Variants in SSU72 observed in about 807,000 individuals in gnomAD.
The protein encoded by SSU72 is RNA polymerase II subunit A C-terminal domain phosphatase SSU72.
SSU72 carries 12 observed loss-of-function variants against 22.7 expected under a neutral mutation model. The observed-to-expected ratio is 0.53, with a 90% CI of 0.34 to 0.86. SSU72 has a LOEUF of 0.86. Among genes scored for constraint, SSU72 ranks in the 40% least tolerant of loss-of-function variants. The pLI is 0.02. For missense variants in SSU72, 151 were observed against 249.8 expected (o/e 0.60, Z 2.67); for synonymous variants, 116 against 98.3 (o/e 1.18, Z -1.06).
intron 1 of SSU72, among the ~76,000 whole-genome samples, chr1:1,567,085 G>C (rs550803311): frequency 6.6e-6 from 1 of 152,148 alleles, no homozygotes; most frequent in Non-Finnish European, 1.5e-5. Context: ...GCCCACTGCC[G>C]GCCTTCCACA....
chr1:1,572,014 C>A (rs2100724964), intron 1 of SSU72, among the ~76,000 whole-genome samples: 1 of 150,614 alleles, frequency 6.6e-6, no homozygotes, highest in South Asian at 2.1e-4. Flanking sequence ...CCAAGATGGT[C>A]TCGATCTCCT....
At chr1:1,573,429 CAAAAAAAAAAAAAAAAAA>C (rs56930035) in intron 1 of SSU72, among the ~76,000 whole-genome samples, 70,255 of 108,022 alleles carry the variant, frequency 0.65, 20,253 homozygotes, top group East Asian at 0.88. Flanking sequence ...GACTCTGTCT[CAAAAAAAAAAAAAAAAAA>C]AAAAAAAAAG....
chr1:1,547,227 G>C (rs1019563670), intron 2 of SSU72, among the ~76,000 whole-genome samples: 1 of 152,128 alleles, frequency 6.6e-6, no homozygotes, highest in African/African-American at 2.4e-5. Flanking sequence ...GGGTGAGGCC[G>C]TGGGGGCTCC....
At chr1:1,571,345 C>G (rs1417846392) in intron 1 of SSU72, among the ~76,000 whole-genome samples, 1 of 141,430 alleles carries the variant, frequency 7.1e-6, no homozygotes, top group East Asian at 2.0e-4. Context: ...GAAGGAGAAT[C>G]GCTTCAACCT....
At chr1:1,572,654 T>C (rs1642745559) in intron 1 of SSU72, among the ~76,000 whole-genome samples, 1 of 150,730 alleles carries the variant, frequency 6.6e-6, no homozygotes. Flanking sequence ...AGACGGGGTT[T>C]CATCGTGTTA....
In SSU72 at chr1:1,542,313, A is replaced by C; in HGVS notation, c.484-146T>G. ...CCTCACCCCACCGCTGCTGCCTCAC[A>C]AGGACGGCCGGAGGCTGCAGGGGGA... On this transcript the variant is annotated intron_variant, in intron 4 of 4. Coordinates refer to ENST00000291386, the MANE Select transcript of SSU72 (RefSeq NM_014188.3). The surrounding 1 kb of genome is among the most constrained non-coding windows in gnomAD (Gnocchi z 4.4). 2 of 743,576 alleles carry C rather than the reference A, an allele frequency of 2.7e-6. No individual in the cohort carries two copies. Among genetic ancestry groups the C allele is most frequent in the Non-Finnish European group, 4.4e-6 (2 of 456,774 alleles). The allele number at this position is 743,576 out of a possible 1,614,324, so 46.1% of individuals were successfully genotyped here. A position where few individuals can be genotyped will look rare whatever the true frequency, so the allele number is the denominator to read the frequency against.
chr1:1,546,154 A>T (rs1394638666), intron 2 of SSU72: 1 of 152,278 alleles, frequency 6.6e-6, no homozygotes, highest in East Asian at 1.9e-4. Context: ...GCAGGAGCTC[A>T]TTTGAGCCAT....
rs572352802 is a variant in SSU72 at position 1,542,132 on chromosome 1, G to A, written c.519C>T (p.Asp173=). Residue 173 remains aspartate (D), a synonymous_variant, in exon 5 of 5, where the codon GAC becomes GAT. Coordinates refer to ENST00000291386, the MANE Select transcript of SSU72 (RefSeq NM_014188.3). The surrounding 1 kb of genome is among the most constrained non-coding windows in gnomAD (Gnocchi z 4.4). The part of the protein sequence containing the change: ...QHTEDMENEI[D]ELLQEFEEKS... ...TCTCCTCGAACTCCTGCAGCAGCTC[G>A]TCGATCTCGTTCTCCATGTCTTCCG... The A allele has an allele frequency of 7.5e-5, 119 of 1,593,738 alleles. No homozygotes were observed. The highest frequency in any genetic ancestry group is 1.4e-4 in the Admixed American group (8 of 56,744).
intron 2 of SSU72, chr1:1,562,875 G>C (rs939797634): frequency 6.6e-6 from 1 of 152,336 alleles, no homozygotes; most frequent in Non-Finnish European, 1.5e-5. Context: ...TCTGCAGAGA[G>C]AGGGGCAGCA....
In SSU72 at chr1:1,541,970, T is replaced by A; in HGVS notation, c.*96A>T. ...ACAGTTTATTTGGGTAATGCTACCG[T>A]CACCAGCAGAACACCTGTAAGTAAA... is the stretch of plus-strand genomic sequence containing the variant. On this transcript the variant is annotated 3_prime_UTR_variant, in exon 5 of 5. Transcript: ENST00000291386. 1 of 1,187,318 alleles carries A rather than the reference T, an allele frequency of 8.4e-7. No homozygotes were observed. The allele number at this position is 1,187,318 out of a possible 1,614,324, so 73.5% of individuals were successfully genotyped here. A position where few individuals can be genotyped will look rare whatever the true frequency, so the allele number is the denominator to read the frequency against.
chr1:1,567,254 C>T (rs147672993), intron 1 of SSU72, among the ~76,000 whole-genome samples: 5 of 152,300 alleles, frequency 3.3e-5, no homozygotes, highest in Middle Eastern at 3.4e-3. Context: ...AGAAGATGTG[C>T]TCATCTAGTG....
intron 2 of SSU72, chr1:1,564,341 C>T (rs1263770238): frequency 3.4e-5 from 28 of 820,550 alleles, no homozygotes; most frequent in South Asian, 3.4e-4. Context: ...GACCTTCTAA[C>T]GACCTCACCA....
intron 2 of SSU72, among the ~76,000 whole-genome samples, chr1:1,559,253 A>G (rs1432240436): frequency 1.3e-5 from 2 of 152,166 alleles, no homozygotes; most frequent in African/African-American, 4.8e-5. Flanking sequence ...GGAAGCAGCT[A>G]AACTGGACGG....
At chr1:1,556,189 T>G (rs574655391) in intron 2 of SSU72, among the ~76,000 whole-genome samples, 1 of 151,030 alleles carries the variant, frequency 6.6e-6, no homozygotes, top group African/African-American at 2.4e-5. Context: ...TCCCAGCACT[T>G]TGGGAGGCCA....
chr1:1,548,211 G>T (rs1389744448), intron 2 of SSU72, among the ~76,000 whole-genome samples: 1 of 152,184 alleles, frequency 6.6e-6, no homozygotes, highest in African/African-American at 2.4e-5. Context: ...AACACCCGAA[G>T]GCCATGAAAC....
intron 2 of SSU72, among the ~76,000 whole-genome samples, chr1:1,552,522 C>T (rs1642466110): frequency 1.3e-5 from 2 of 152,160 alleles, no homozygotes; most frequent in Non-Finnish European, 2.9e-5. Flanking sequence ...GCCCAGAGGG[C>T]GATTCCTCCC....
intron 2 of SSU72, 84 bp from the exon 3 acceptor site, chr1:1,545,086 C>CT (rs1642374832): frequency 7.3e-6 from 11 of 1,516,582 alleles, no homozygotes; most frequent in Non-Finnish European, 9.8e-6. Context: ...CACCCAGCCC[C>CT]TTCCCTGCCC....
intron 1 of SSU72, 119 bp from the exon 2 acceptor site, chr1:1,565,035 T>C: frequency 2.2e-6 from 3 of 1,358,034 alleles, no homozygotes; most frequent in Non-Finnish European, 2.9e-6. Flanking sequence ...TAGTAGAGAA[T>C]ATGTCTTCAA....
At chr1:1,565,190 G>A (rs986192770) in intron 1 of SSU72, among the ~76,000 whole-genome samples, 2 of 152,100 alleles carry the variant, frequency 1.3e-5, no homozygotes, top group South Asian at 2.1e-4. Context: ...TGGCTAACAC[G>A]GTGAAAACCC....
Sources: gnomAD v4.1 joint callset for allele counts (sites outside exome capture counted in the v4.1 genomes callset) on GRCh38, gnomAD v4.1.1 for gene constraint, Gnocchi (gnomAD v3.1) non-coding constraint, MANE v1.5 for transcripts, NCBI Gene and HGNC (gene_info 2026-07-23, HGNC 2026-07-21) for gene names.